The following ABCC4 variants were observed in gnomAD, a reference collection of about 807,000 sequenced individuals.
The protein encoded by ABCC4 is ATP binding cassette subfamily C member 4 (PEL blood group), also known as ATP-binding cassette sub-family C member 4.
A neutral mutation model predicts 168.5 loss-of-function variants in ABCC4; 102 were observed. That is an observed-to-expected ratio of 0.61 (90% CI 0.52 to 0.71). The LOEUF is 0.71. Ranked by LOEUF, ABCC4 falls within the 30% of genes least tolerant of loss-of-function variation. The pLI, the probability that ABCC4 is intolerant of heterozygous loss-of-function variation, is 0.00. For synonymous variants in ABCC4, 617 were observed against 590.7 expected (o/e 1.04, Z -0.65); for missense variants, 1,402 against 1,605.8 (o/e 0.87, Z 2.17).
intron 3 of ABCC4, among the ~76,000 whole-genome samples, chr13:95,240,687 T>C: frequency 6.6e-6 from 1 of 152,008 alleles, no homozygotes; most frequent in East Asian, 1.9e-4. Flanking sequence ...TTTTATATTT[T>C]TGAAATGATC....
At chr13:95,179,016 C>T (rs184869385) in intron 11 of ABCC4, among the ~76,000 whole-genome samples, 48 of 152,162 alleles carry the variant, frequency 3.2e-4, no homozygotes, top group African/African-American at 1.1e-3. Context: ...AAATGAGGGA[C>T]GCAGATTCAA....
At position 95,021,480 on chromosome 13, in the gene ABCC4, T is replaced by C. The variant is rs1041513750; in HGVS notation, c.*95A>G. 1.5e-5 allele frequency: 12 copies of C among 778,598 alleles called. No homozygotes were observed. Among genetic ancestry groups the C allele is most frequent in the Non-Finnish European group, 2.3e-5 (11 of 469,952 alleles). 48.2% of individuals were successfully genotyped at this position (778,598 alleles called of 1,614,324 possible). On this transcript the variant is annotated 3_prime_UTR_variant, in exon 31 of 31. Transcript: ENST00000645237. Reference sequence around the variant, plus strand: ...AACTAGCATCTTGTATGTATAAATATTTGTTGCCAAAGTAAAAAAAAGTAC... The same window carrying C: ...AACTAGCATCTTGTATGTATAAATACTTGTTGCCAAAGTAAAAAAAAGTAC...
intron 3 of ABCC4, among the ~76,000 whole-genome samples, chr13:95,244,245 A>G (rs7324464): frequency 0.9 from 137,193 of 151,996 alleles, 62,051 homozygotes; most frequent in African/African-American, 0.94. Context: ...GTGTGGCCCT[A>G]GGCACATTAT....
intron 30 of ABCC4, among the ~76,000 whole-genome samples, chr13:95,025,249 ACACACACACACACCCC>A (rs2031394340): frequency 4.2e-5 from 1 of 24,080 alleles, no homozygotes; most frequent in African/African-American, 1.8e-4. Context: ...ACACACACCC[ACACACACACACACCCC>A]CACACCCCCA....
At chr13:95,190,895 C>T (rs752634902) in intron 9 of ABCC4, among the ~76,000 whole-genome samples, 8 of 152,130 alleles carry the variant, frequency 5.3e-5, no homozygotes, top group African/African-American at 1.7e-4. Flanking sequence ...TTCTTCTGCA[C>T]GACACACTTT....
rs148638661 is a variant in ABCC4 at position 95,069,849 on chromosome 13, T to A, written c.3210+1813A>T. Among the ~76,000 whole-genome samples, 358 of 152,292 alleles carry A rather than the reference T, an allele frequency of 2.4e-3. 3 individuals carry two copies. Among genetic ancestry groups the A allele is most frequent in the African/African-American group, 8.2e-3 (341 of 41,552 alleles). On this transcript the variant is annotated intron_variant, in intron 25 of 30. Coordinates refer to ENST00000645237, the MANE Select transcript of ABCC4 (RefSeq NM_005845.5). The stretch of plus-strand genomic sequence containing the variant: ...CATTATGCGTGCGTATCACATTTTG[T>A]TTTTCCATTCCTCAGTCAATGGACA...
At chr13:95,065,459 A>G (rs2033496522) in intron 25 of ABCC4, among the ~76,000 whole-genome samples, 1 of 152,242 alleles carries the variant, frequency 6.6e-6, no homozygotes, top group Non-Finnish European at 1.5e-5. Flanking sequence ...ATATTTAGGC[A>G]AAATGAGAAT....
At chr13:95,040,127 C>T (rs1338477787) in intron 29 of ABCC4, among the ~76,000 whole-genome samples, 1 of 152,196 alleles carries the variant, frequency 6.6e-6, no homozygotes, top group Non-Finnish European at 1.5e-5. Context: ...GGTCTTGAAA[C>T]AGTAAATGAT....
chr13:95,219,418 T>C (rs1035918679), intron 4 of ABCC4, among the ~76,000 whole-genome samples: 4 of 152,026 alleles, frequency 2.6e-5, no homozygotes, highest in African/African-American at 4.8e-5. Context: ...GACAAATACA[T>C]GGTCTAGGGT....
At chr13:95,287,924 C>T (rs972357409) in intron 1 of ABCC4, among the ~76,000 whole-genome samples, 1 of 151,872 alleles carries the variant, frequency 6.6e-6, no homozygotes, top group Non-Finnish European at 1.5e-5. Context: ...CACCTATAGT[C>T]CCAGCTACTC....
intron 3 of ABCC4, among the ~76,000 whole-genome samples, chr13:95,239,759 GT>G (rs35059505): frequency 0.16 from 23,635 of 151,938 alleles, 2,209 homozygotes; most frequent in East Asian, 0.38. Flanking sequence ...TTGAAAATCG[GT>G]TTTAAAAAAA....
intron 26 of ABCC4, among the ~76,000 whole-genome samples, chr13:95,060,524 C>T (rs2033246980): frequency 6.6e-6 from 1 of 152,104 alleles, no homozygotes; most frequent in Admixed American, 6.5e-5. Flanking sequence ...ACAGACATGC[C>T]CATTATCTCT....
chr13:95,232,482 G>C (rs2039650886), intron 4 of ABCC4, among the ~76,000 whole-genome samples: 2 of 152,074 alleles, frequency 1.3e-5, no homozygotes, highest in Admixed American at 1.3e-4. Flanking sequence ...TTCAAGACCA[G>C]CCTGGCCAAC....
At chr13:95,173,941 C>A (rs142072593) in intron 13 of ABCC4, among the ~76,000 whole-genome samples, 1 of 152,204 alleles carries the variant, frequency 6.6e-6, no homozygotes, top group Admixed American at 6.5e-5. Context: ...AAACTGCTGG[C>A]GCCTTGATCT....
chr13:95,115,983 A>C lies in ABCC4; in HGVS notation c.2474T>G (p.Phe825Cys). Residue 825 changes from phenylalanine (F) to cysteine (C), a missense_variant, in exon 20 of 31, where the codon TTC (phenylalanine) becomes TGC (cysteine). Coordinates refer to ENST00000645237, the MANE Select transcript of ABCC4 (RefSeq NM_005845.5). ...RNPIGRILNR[F>C]SKDIGHLDDL... Reference sequence around the variant, plus strand: ...ATCCAAGTGTCCAATGTCTTTGGAGAAACGATTTAAAATTCTTCCTGCAAG... The same window carrying C: ...ATCCAAGTGTCCAATGTCTTTGGAGCAACGATTTAAAATTCTTCCTGCAAG... 1 of 1,612,430 alleles carries C rather than the reference A, an allele frequency of 6.2e-7. No individual in the cohort carries two copies.
chr13:95,087,271 A>G (rs760156479), intron 20 of ABCC4, among the ~76,000 whole-genome samples: 3 of 152,210 alleles, frequency 2.0e-5, no homozygotes, highest in Admixed American at 6.5e-5. Context: ...CACGCCTATA[A>G]TCCTAACACT....
At chr13:95,050,488 G>A (rs971297003) in intron 27 of ABCC4, among the ~76,000 whole-genome samples, 3 of 152,260 alleles carry the variant, frequency 2.0e-5, no homozygotes, top group African/African-American at 7.2e-5. Flanking sequence ...ACCCCCAAAC[G>A]AGCAATGTAA....
intron 4 of ABCC4, among the ~76,000 whole-genome samples, chr13:95,223,995 C>A: frequency 6.7e-6 from 1 of 150,298 alleles, no homozygotes; most frequent in African/African-American, 2.4e-5. Context: ...AATAGGAGTC[C>A]AAGAAAAACA....
chr13:95,103,600 G>C (rs1379239692), intron 20 of ABCC4, among the ~76,000 whole-genome samples: 1 of 152,092 alleles, frequency 6.6e-6, no homozygotes, highest in Non-Finnish European at 1.5e-5. Flanking sequence ...CTGCAGTGTG[G>C]GCCCCCTATT....
Sources: gnomAD v4.1 joint callset for allele counts (sites outside exome capture counted in the v4.1 genomes callset) on GRCh38, gnomAD v4.1.1 for gene constraint, MANE v1.5 for transcripts, NCBI Gene and HGNC (gene_info 2026-07-23, HGNC 2026-07-21) for gene names.